Variants in PXDN observed in about 807,000 individuals in gnomAD.
PXDN encodes peroxidasin homolog.
A neutral mutation model predicts 140.3 loss-of-function variants in PXDN; 77 were observed. The ratio of observed to expected loss-of-function variants is 0.55; its 90% CI spans 0.46 to 0.66. The LOEUF (loss-of-function observed/expected upper bound fraction) is 0.66. Ranked by LOEUF, PXDN falls within the 30% of genes least tolerant of loss-of-function variation. The pLI, the probability that PXDN is intolerant of heterozygous loss-of-function variation, is 0.00. For synonymous variants in PXDN, 911 were observed against 857.4 expected, an observed-to-expected ratio of 1.06 and a Z score of -1.09; for missense variants, 1,838 against 2,039.5, an observed-to-expected ratio of 0.90 and a Z score of 1.90.
chr2:1,650,063 A>C (rs1682979651), intron 16 of PXDN, among the ~76,000 whole-genome samples: 1 of 152,144 alleles, frequency 6.6e-6, no homozygotes, highest in Non-Finnish European at 1.5e-5. Context: ...TGTAAGAGAC[A>C]GTCACCACAC....
intron 13 of PXDN, 84 bp from the exon 14 acceptor site, chr2:1,661,121 C>T: frequency 6.6e-7 from 1 of 1,512,560 alleles, no homozygotes; most frequent in Non-Finnish European, 9.0e-7. Flanking sequence ...GGAGGGGAGC[C>T]ATTTGTTAGG....
intron 22 of PXDN, 30 bp downstream of exon 22, chr2:1,635,377 AG>A: frequency 6.5e-7 from 1 of 1,535,524 alleles, no homozygotes; most frequent in Non-Finnish European, 8.8e-7. Flanking sequence ...CGTATACCTT[AG>A]GACATGAAGA....
intron 6 of PXDN, among the ~76,000 whole-genome samples, chr2:1,681,564 G>A (rs755414750): frequency 2.2e-4 from 33 of 151,972 alleles, no homozygotes; most frequent in Non-Finnish European, 4.1e-4. Context: ...CTGGCTCCAG[G>A]AGGGGAAGGG....
At chr2:1,644,538 A>G (rs1344635002) in intron 18 of PXDN, 80 bp downstream of exon 18, 4 of 1,423,324 alleles carry the variant, frequency 2.8e-6, no homozygotes, top group Non-Finnish European at 2.8e-6. Flanking sequence ...CCTCAGTCTC[A>G]ACCAGGACAG....
chr2:1,694,182 C>T (rs1558512022), intron 1 of PXDN, among the ~76,000 whole-genome samples: 1 of 152,134 alleles, frequency 6.6e-6, no homozygotes, highest in East Asian at 1.9e-4. Flanking sequence ...TGTGTCTCCC[C>T]GAAATCCACA....
chr2:1,644,315 G>A (rs187601139), intron 18 of PXDN, among the ~76,000 whole-genome samples: 1 of 152,170 alleles, frequency 6.6e-6, no homozygotes, highest in East Asian at 1.9e-4. Context: ...GTCCCACAGT[G>A]GTTTAGCTGT....
intron 1 of PXDN, among the ~76,000 whole-genome samples, chr2:1,720,601 T>G (rs1685018496): frequency 1.5e-5 from 1 of 66,606 alleles, no homozygotes; most frequent in Non-Finnish European, 3.0e-5. Flanking sequence ...CACCTTTGCC[T>G]CTCAGATACA....
In PXDN at chr2:1,660,788, C is replaced by A; in HGVS notation, c.1837+93G>T. 1 of 1,444,690 alleles carries A rather than the reference C, an allele frequency of 6.9e-7. No homozygotes were observed. The highest frequency in any genetic ancestry group is 9.3e-7 in the Non-Finnish European group (1 of 1,076,922). 89.5% of individuals were successfully genotyped at this position (1,444,690 alleles called of 1,614,324 possible). A position where few individuals can be genotyped will look rare whatever the true frequency, so the allele number is the denominator to read the frequency against. ...GCTTTGTCTTCTGAATAATTCTGAA[C>A]AGCCTAAGTCAACTGGCCTGGGACC... On this transcript the variant is annotated intron_variant, in intron 14 of 22. Coordinates refer to ENST00000252804, the MANE Select transcript of PXDN (RefSeq NM_012293.3). The surrounding 1 kb of genome is among the most constrained non-coding windows in gnomAD (Gnocchi z 4.6).
intron 1 of PXDN, among the ~76,000 whole-genome samples, chr2:1,707,491 G>A (rs1684645567): frequency 6.6e-6 from 1 of 152,190 alleles, no homozygotes; most frequent in Non-Finnish European, 1.5e-5. Context: ...CTGTCAAATC[G>A]AAGTAATCAG....
intron 1 of PXDN, among the ~76,000 whole-genome samples, chr2:1,702,963 A>G (rs1200121383): frequency 7.2e-6 from 1 of 139,074 alleles, no homozygotes; most frequent in African/African-American, 2.7e-5. Context: ...AGTTCAGTCT[A>G]GAAAGGCGGG....
chr2:1,657,168 A>T (rs1683161734), intron 14 of PXDN, among the ~76,000 whole-genome samples: 1 of 132,642 alleles, frequency 7.5e-6, no homozygotes, highest in African/African-American at 2.9e-5. Context: ...CCTCCTACTG[A>T]CTGGGGGGGA....
intron 1 of PXDN, among the ~76,000 whole-genome samples, chr2:1,743,701 G>A (rs1396192661): frequency 1.2e-5 from 1 of 83,054 alleles, no homozygotes; most frequent in African/African-American, 4.3e-5. Context: ...GGAGGAGGAA[G>A]GGGAGGAGGA....
At chr2:1,644,501 A>G in intron 18 of PXDN, 117 bp downstream of exon 18, 1 of 1,206,844 alleles carries the variant, frequency 8.3e-7, no homozygotes, top group African/African-American at 1.5e-5. Context: ...CCGGGGACAC[A>G]CAGAAGACAC....
rs114427009 is a variant in PXDN, at chr2:1,650,565, C to T, written c.2105-890G>A. 6.6e-3 allele frequency among the ~76,000 whole-genome samples: 1,006 copies of T among 152,262 alleles called. 15 individuals are homozygous for T. Among genetic ancestry groups the T allele is most frequent in the African/African-American group, 0.023 (954 of 41,556 alleles). Reference sequence around the variant, plus strand: ...CAACAGCTACTCCACGTCCTGGGGTCAGACACACTCAGATCTCTGTGTTCG... The same window carrying T: ...CAACAGCTACTCCACGTCCTGGGGTTAGACACACTCAGATCTCTGTGTTCG... On this transcript the variant is annotated intron_variant, in intron 16 of 22. Transcript: ENST00000252804.
chr2:1,696,775 C>T (rs886846903), intron 1 of PXDN, among the ~76,000 whole-genome samples: 7 of 152,160 alleles, frequency 4.6e-5, no homozygotes, highest in Non-Finnish European at 1.0e-4. Flanking sequence ...CATCTGCACA[C>T]GTGTTACTGG....
intron 1 of PXDN, among the ~76,000 whole-genome samples, chr2:1,705,471 G>C (rs1413199374): frequency 7.1e-6 from 1 of 141,234 alleles, no homozygotes; most frequent in African/African-American, 2.7e-5. Flanking sequence ...AGCTGCCCAC[G>C]ACCTGGGACA....
intron 19 of PXDN, among the ~76,000 whole-genome samples, chr2:1,643,152 A>G (rs1682766525): frequency 6.6e-6 from 1 of 152,204 alleles, no homozygotes; most frequent in African/African-American, 2.4e-5. Flanking sequence ...ATGTTCTCCC[A>G]CAGCACTGCC....
At chr2:1,723,191 A>G (rs1043417492) in intron 1 of PXDN, among the ~76,000 whole-genome samples, 1 of 152,166 alleles carries the variant, frequency 6.6e-6, no homozygotes, top group Non-Finnish European at 1.5e-5. Flanking sequence ...GAATGGACAG[A>G]TGGATGAATG....
At chr2:1,728,661 G>A (rs1434728602) in intron 1 of PXDN, among the ~76,000 whole-genome samples, 2 of 151,982 alleles carry the variant, frequency 1.3e-5, no homozygotes, top group African/African-American at 2.4e-5. Flanking sequence ...TATTTAAAAC[G>A]GCCCCAAAGC....
Sources: allele counts gnomAD v4.1 joint callset (sites outside exome capture counted in the v4.1 genomes callset), GRCh38; gene constraint gnomAD v4.1.1; non-coding constraint Gnocchi (gnomAD v3.1); transcripts MANE v1.5; gene names NCBI Gene and HGNC (gene_info 2026-07-23, HGNC 2026-07-21).